Variants in ADAMTS9 observed in about 807,000 individuals in gnomAD.
ADAMTS9 encodes ADAM metallopeptidase with thrombospondin type 1 motif 9.
In ADAMTS9, 107 loss-of-function variants were observed where a neutral mutation model predicts 257.1. The observed-to-expected ratio is 0.42, with a 90% CI of 0.36 to 0.49. ADAMTS9 has a LOEUF of 0.49. Ranked by LOEUF, ADAMTS9 falls within the 20% of genes least tolerant of loss-of-function variation. ADAMTS9 has a pLI of 0.03. For missense variants in ADAMTS9, 2,353 were observed against 2,469.1 expected, an observed-to-expected ratio of 0.95 and a Z score of 1.00; for synonymous variants, 982 against 880.9, an observed-to-expected ratio of 1.11 and a Z score of -2.03.
Position 64,568,355 on chromosome 3 carries a change from A to G in ADAMTS9, c.4524+13T>C. On this transcript the variant is annotated intron_variant, in intron 29 of 39. Coordinates refer to ENST00000498707, the MANE Select transcript of ADAMTS9 (RefSeq NM_182920.2). Reference sequence around the variant, plus strand: ...CGTAAGGAAGCAGTCAGTAGAGGAGAAGCATTGCTCACCTGACTCCAAGCG... The same window carrying G: ...CGTAAGGAAGCAGTCAGTAGAGGAGGAGCATTGCTCACCTGACTCCAAGCG... 2 of 1,603,576 alleles carry G rather than the reference A, an allele frequency of 1.2e-6. No homozygotes were observed. The highest frequency in any genetic ancestry group is 1.7e-6 in the Non-Finnish European group (2 of 1,176,598).
chr3:64,581,465 G>A (rs923204053), intron 28 of ADAMTS9, among the ~76,000 whole-genome samples: 6 of 152,152 alleles, frequency 3.9e-5, no homozygotes, highest in South Asian at 2.1e-4. Flanking sequence ...ATTTCACCAC[G>A]TTGCCAAGGC....
At chr3:64,606,869 T>C in intron 23 of ADAMTS9, 91 bp downstream of exon 23, 1 of 1,526,814 alleles carries the variant, frequency 6.5e-7, no homozygotes, top group Non-Finnish European at 8.9e-7. Context: ...CATACTTATC[T>C]ATGAAAGGAT....
At chr3:64,613,639 A>G in intron 21 of ADAMTS9, 130 bp from the exon 22 acceptor site, 1 of 844,776 alleles carries the variant, frequency 1.2e-6, no homozygotes, top group Non-Finnish European at 1.7e-6. Context: ...AGCAATTTGT[A>G]AATATACTAA....
At chr3:64,556,129 C>A (rs1197815221) in intron 30 of ADAMTS9, among the ~76,000 whole-genome samples, 1 of 152,108 alleles carries the variant, frequency 6.6e-6, no homozygotes, top group Non-Finnish European at 1.5e-5. Context: ...TACAGCTGAT[C>A]TTAATAAAAG....
In ADAMTS9 at chr3:64,571,911, T is replaced by C. The variant is rs543749854; in HGVS notation, c.4357-3376A>G. On this transcript the variant is annotated intron_variant, in intron 28 of 39. Transcript: ENST00000498707. The stretch of plus-strand genomic sequence containing the variant: ...CCATCAGATCATTTCCAGTCCTTTC[T>C]CAGGCACTGACTTTTACATCACCAT... 2.6e-5 allele frequency among the ~76,000 whole-genome samples: 4 copies of C among 152,310 alleles called. No homozygotes were observed. In the South Asian group the frequency reaches 8.3e-4, roughly 32 times the overall value.
chr3:64,598,380 C>A (rs186855273), intron 26 of ADAMTS9, among the ~76,000 whole-genome samples: 2 of 148,476 alleles, frequency 1.3e-5, no homozygotes, highest in Admixed American at 6.8e-5. Flanking sequence ...CACAGTGGTG[C>A]GATCACAGGT....
At chr3:64,636,233 A>T (rs937456636) in intron 12 of ADAMTS9, among the ~76,000 whole-genome samples, 1 of 152,168 alleles carries the variant, frequency 6.6e-6, no homozygotes, top group African/African-American at 2.4e-5. Context: ...TTTGACCACT[A>T]TAACATGGCA....
At chr3:64,606,537 T>C (rs1445244021) in intron 23 of ADAMTS9, among the ~76,000 whole-genome samples, 1 of 152,216 alleles carries the variant, frequency 6.6e-6, no homozygotes, top group Non-Finnish European at 1.5e-5. Flanking sequence ...CAGTTTTTAG[T>C]AATGGTTATA....
At chr3:64,667,421 G>A (rs981793418) in intron 3 of ADAMTS9, among the ~76,000 whole-genome samples, 1 of 152,186 alleles carries the variant, frequency 6.6e-6, no homozygotes. Context: ...ACCATCACTA[G>A]AACTATAACA....
intron 28 of ADAMTS9, chr3:64,586,814 C>T (rs753726813): frequency 3.3e-5 from 5 of 152,090 alleles, no homozygotes; most frequent in Non-Finnish European, 5.9e-5. Context: ...GTCTTTGAAA[C>T]AGAGCCCTGC....
At chr3:64,654,782 GTTGAT>G (rs1701021552) in intron 6 of ADAMTS9, 170 bp from the exon 7 acceptor site, 3 of 645,912 alleles carry the variant, frequency 4.6e-6, no homozygotes, top group Admixed American at 3.0e-5. Context: ...TTTTGGAATT[GTTGAT>G]TTAAGAATTA....
chr3:64,565,411 GAAAGACAAC>G (rs2083517099), intron 29 of ADAMTS9: 1 of 152,148 alleles, frequency 6.6e-6, no homozygotes, highest in Non-Finnish European at 1.5e-5. Context: ...GTAGCACTAA[GAAAGACAAC>G]AAGGGCTGTT....
In ADAMTS9 at chr3:64,621,255, A is replaced by G. The variant is rs535006383; in HGVS notation, c.2687-15T>C. 3.8e-6 allele frequency: 6 copies of G among 1,569,476 alleles called. No individual in the cohort carries two copies. Among genetic ancestry groups the G allele is most frequent in the East Asian group, 2.3e-5 (1 of 44,268 alleles). On this transcript the variant is annotated splice_polypyrimidine_tract_variant and intron_variant, in intron 18 of 39. Coordinates refer to ENST00000498707, the MANE Select transcript of ADAMTS9 (RefSeq NM_182920.2). ...TTTCCGTTCCCCTAAGCAGAAAGGG[A>G]AAAAAAATTATTCAGGGAAAATAAT...
At chr3:64,648,774 T>C (rs1305735791) in intron 10 of ADAMTS9, among the ~76,000 whole-genome samples, 1 of 152,184 alleles carries the variant, frequency 6.6e-6, no homozygotes, top group East Asian at 1.9e-4. Flanking sequence ...TTCCCAGATG[T>C]AGATCATTTT....
chr3:64,522,105 T>A, intron 39 of ADAMTS9, 61 bp downstream of exon 39: 1 of 1,463,856 alleles, frequency 6.8e-7, no homozygotes, highest in Non-Finnish European at 9.5e-7. Context: ...CATTTGCTCA[T>A]ATAGGCTACA....
Position 64,541,576 on chromosome 3 carries a change from C to G in ADAMTS9, c.5242G>C (p.Ala1748Pro). ...NCKEVKRLKG[A>P]SEDGEYFLMI... ...AGGAAATATTCACCATCTTCACTGG[C>G]ACCTTTAAGTCTTTTTACCTCCTTG... Residue 1748 changes from alanine to proline, a missense_variant, in exon 34 of 40, where the codon GCC (alanine) becomes CCC (proline). By Grantham distance (27) the Ala-to-Pro change is conservative (BLOSUM62 -1). Coordinates refer to ENST00000498707, the MANE Select transcript of ADAMTS9 (RefSeq NM_182920.2). 3 of 1,614,154 alleles carry G rather than the reference C, an allele frequency of 1.9e-6. No homozygotes were observed. The South Asian group carries it at 3.3e-5, about 18-fold the overall frequency.
chr3:64,568,736 G>A, intron 28 of ADAMTS9: 1 of 556,270 alleles, frequency 1.8e-6, no homozygotes. Context: ...CAGCATTACA[G>A]CAGCAATCCT....
At chr3:64,583,139 A>T (rs1404736408) in intron 28 of ADAMTS9, 1 of 152,148 alleles carries the variant, frequency 6.6e-6, no homozygotes, top group Non-Finnish European at 1.5e-5. Context: ...TTAGTTTATT[A>T]CTCTTGTCAA....
intron 3 of ADAMTS9, among the ~76,000 whole-genome samples, chr3:64,669,218 T>C (rs1701423949): frequency 6.6e-6 from 1 of 152,230 alleles, no homozygotes; most frequent in South Asian, 2.1e-4. Context: ...CTTAAATGAA[T>C]TGAAAGCTTT....
Sources: gnomAD v4.1 joint callset for allele counts (sites outside exome capture counted in the v4.1 genomes callset) on GRCh38, gnomAD v4.1.1 for gene constraint, MANE v1.5 for transcripts, NCBI Gene and HGNC (gene_info 2026-07-23, HGNC 2026-07-21) for gene names.